The following ANKRD1 variants were observed in gnomAD, a reference collection of about 807,000 sequenced individuals.
The protein encoded by ANKRD1 is ankyrin repeat domain 1.
A neutral mutation model predicts 40.1 loss-of-function variants in ANKRD1; 32 were observed. The ratio of observed to expected loss-of-function variants is 0.80; its 90% CI spans 0.60 to 1.07. The LOEUF (loss-of-function observed/expected upper bound fraction) is 1.07, where lower values mean the gene tolerates loss of function less well. Ranked by LOEUF, ANKRD1 falls within the 50% of genes least tolerant of loss-of-function variation. ANKRD1 has a pLI of 0.00. For missense variants in ANKRD1, 359 were observed against 386.0 expected, an observed-to-expected ratio of 0.93 and a Z score of 0.59; for synonymous variants, 149 against 141.2, an observed-to-expected ratio of 1.06 and a Z score of -0.39.
At chr10:90,915,910 C>T in intron 6 of ANKRD1, 30 bp from the exon 7 acceptor site, 1 of 1,605,576 alleles carries the variant, frequency 6.2e-7, no homozygotes, top group Non-Finnish European at 8.5e-7. Context: ...TGCTGATTCG[C>T]TAGGAATGAG....
intron 8 of ANKRD1, among the ~76,000 whole-genome samples, chr10:90,913,209 T>C (rs1847336272): frequency 6.6e-6 from 1 of 152,234 alleles, no homozygotes; most frequent in African/African-American, 2.4e-5. Flanking sequence ...ATCCCAGGTA[T>C]TGGTAAAATC....
chr10:90,918,046 G>A (rs1847391008), intron 4 of ANKRD1, among the ~76,000 whole-genome samples: 2 of 152,128 alleles, frequency 1.3e-5, no homozygotes, highest in Non-Finnish European at 2.9e-5. Context: ...CATTTCCAAG[G>A]GCTCAAAGGC....
intron 8 of ANKRD1, among the ~76,000 whole-genome samples, 160 bp downstream of exon 8, chr10:90,915,383 C>A (rs1417055459): frequency 1.3e-5 from 2 of 152,148 alleles, no homozygotes; most frequent in Non-Finnish European, 2.9e-5. Context: ...GAACTGGGTC[C>A]TAGCCAAGAT....
chr10:90,919,181 A>AT lies in ANKRD1; in HGVS notation c.294dup (p.Tyr99IlefsTer5), dbSNP rs1343810739. The AT allele has an allele frequency of 2.5e-6, 4 of 1,612,128 alleles. No individual in the cohort carries two copies. The highest frequency in any genetic ancestry group is 2.2e-5 in the East Asian group (1 of 44,782). ...ACAACTGGAACTTTAGTTTTCCTGT[A>AT]TTTTTTCCTTTTCTTCAGTTGAATG... On this transcript the variant is annotated frameshift_variant, in exon 3 of 9. Coordinates refer to ENST00000371697, the MANE Select transcript of ANKRD1 (RefSeq NM_014391.3). LOFTEE classifies it high-confidence loss of function.
chr10:90,915,829 C>A lies in ANKRD1; in HGVS notation c.703G>T (p.Ala235Ser). 2.5e-6 allele frequency: 4 copies of A among 1,613,684 alleles called. No homozygotes were observed. Among genetic ancestry groups the A allele is most frequent in the East Asian group, 2.2e-5 (1 of 44,824 alleles). The change falls in exon 7 of 9, where the codon GCG becomes TCG. Residue 235 changes from alanine (A) to serine (S), a missense_variant. Transcript: ENST00000371697. ...VAVRTGHYEC[A>S]EHLIACEADL... ...GCCTCACAGGCGATAAGATGCTCCG[C>A]GCACTCATAGTGGCCAGTCCTCACC...
At chr10:90,916,104 A>C (rs1273290463) in intron 6 of ANKRD1, 67 bp downstream of exon 6, 134 of 718,052 alleles carry the variant, frequency 1.9e-4, no homozygotes, top group Admixed American at 1.8e-3. Flanking sequence ...GAGTGGGAGA[A>C]GTGGAGAAGG....
At chr10:90,916,408 C>A (rs1847374838) in intron 5 of ANKRD1, 139 bp from the exon 6 acceptor site, 2 of 709,322 alleles carry the variant, frequency 2.8e-6, no homozygotes, top group Non-Finnish European at 5.1e-6. Flanking sequence ...AAGGTTCTTA[C>A]CAAATGTGTT....
chr10:90,914,146 A>G (rs1847344646), intron 8 of ANKRD1, among the ~76,000 whole-genome samples: 1 of 152,194 alleles, frequency 6.6e-6, no homozygotes, highest in African/African-American at 2.4e-5. Context: ...GTTTTGGATA[A>G]TGAGAAAATA....
In ANKRD1 at chr10:90,913,801, A is replaced by T. The variant is rs139688331; in HGVS notation, c.850-825T>A. On this transcript the variant is annotated intron_variant, in intron 8 of 8. Transcript: ENST00000371697. ...AAACAGAACTTAGATTTTTTTTAAG[A>T]TTAGTATGAATTGGCAACAGTTGGA... 2.2e-4 allele frequency among the ~76,000 whole-genome samples: 34 copies of T among 152,256 alleles called. No individual in the cohort carries two copies. In the East Asian group the frequency reaches 6.4e-3, roughly 28 times the overall value.
At chr10:90,918,374 G>A (rs1013431838) in intron 4 of ANKRD1, among the ~76,000 whole-genome samples, 5 of 152,010 alleles carry the variant, frequency 3.3e-5, no homozygotes, top group Admixed American at 3.3e-4. Flanking sequence ...ACAACTTTAG[G>A]CGTTATTTCA....
intron 5 of ANKRD1, among the ~76,000 whole-genome samples, chr10:90,917,470 G>C (rs117865003): frequency 6.6e-6 from 1 of 152,208 alleles, no homozygotes; most frequent in African/African-American, 2.4e-5. Flanking sequence ...CTAACTCGCT[G>C]ATGAGGATAT....
chr10:90,920,370 G>A, intron 1 of ANKRD1, 22 bp from the exon 2 acceptor site: 2 of 1,613,596 alleles, frequency 1.2e-6, no homozygotes, highest in Non-Finnish European at 1.7e-6. Flanking sequence ...GAAGATGGCA[G>A]CGTCAGAAGC....
At chr10:90,917,921 G>T in intron 4 of ANKRD1, 91 bp from the exon 5 acceptor site, 1 of 1,023,184 alleles carries the variant, frequency 9.8e-7, no homozygotes, top group Non-Finnish European at 1.5e-6. Flanking sequence ...AGATTCTGAT[G>T]ACCTAACTGA....
chr10:90,916,430 A>G (rs1051584948), intron 5 of ANKRD1, among the ~76,000 whole-genome samples, 161 bp from the exon 6 acceptor site: 37 of 149,888 alleles, frequency 2.5e-4, no homozygotes, highest in Non-Finnish European at 4.0e-4. Context: ...GCTAAATTAC[A>G]TGTGTGTGTG....
chr10:90,916,047 G>A (rs1847367140), intron 6 of ANKRD1, 124 bp downstream of exon 6: 2 of 606,074 alleles, frequency 3.3e-6, no homozygotes, highest in Admixed American at 2.3e-5. Flanking sequence ...GAGGGGTGGG[G>A]GAGGAGGGAA....
At chr10:90,920,917 C>T (rs1847430416) in intron 1 of ANKRD1, 84 bp downstream of exon 1, 1 of 1,353,536 alleles carries the variant, frequency 7.4e-7, no homozygotes, top group East Asian at 2.3e-5. Context: ...TGCATTACAC[C>T]TGAAAGCAAA....
At chr10:90,913,318 C>T (rs1024993996) in intron 8 of ANKRD1, among the ~76,000 whole-genome samples, 7 of 152,288 alleles carry the variant, frequency 4.6e-5, no homozygotes, top group Admixed American at 6.5e-5. Flanking sequence ...AATGGACTCC[C>T]GGAGGTGGGA....
chr10:90,918,649 G>C (rs1470058564), intron 4 of ANKRD1, among the ~76,000 whole-genome samples: 2 of 152,008 alleles, frequency 1.3e-5, no homozygotes, highest in Non-Finnish European at 2.9e-5. Flanking sequence ...AGATGTATAT[G>C]AGTGCAAAAA....
At position 90,921,001 on chromosome 10, in the gene ANKRD1, C is replaced by T; in HGVS notation, c.27G>A (p.Leu9=). The change falls in exon 1 of 9, where the codon CTG becomes CTA. Residue 9 remains leucine (L), a splice_region_variant and synonymous_variant. Coordinates refer to ENST00000371697, the MANE Select transcript of ANKRD1 (RefSeq NM_014391.3). MMVLKVEE[L]VTGKKNGNGE... ...TATAAAATTAATGCATCTTACATAC[C>T]AGTTCCTCTACTTTCAGTACCATCA... 6.2e-7 allele frequency: 1 copy of T among 1,613,704 alleles called. No homozygotes were observed. Among genetic ancestry groups the T allele is most frequent in the Non-Finnish European group, 8.5e-7 (1 of 1,179,664 alleles).
Sources: gnomAD v4.1 joint callset for allele counts (sites outside exome capture counted in the v4.1 genomes callset) on GRCh38, gnomAD v4.1.1 for gene constraint, MANE v1.5 for transcripts, NCBI Gene and HGNC (gene_info 2026-07-23, HGNC 2026-07-21) for gene names.